BMP6: variants seen among roughly 807,000 people sequenced by gnomAD.
BMP6 encodes bone morphogenetic protein 6.
BMP6 carries 17 observed loss-of-function variants against 54.1 expected under a neutral mutation model. The ratio of observed to expected loss-of-function variants is 0.31; its 90% CI spans 0.22 to 0.47. BMP6 has a LOEUF of 0.47. BMP6 is among the 20% of genes least tolerant of loss of function. The pLI, the probability that BMP6 is intolerant of heterozygous loss-of-function variation, is 1.00. For synonymous variants in BMP6, 328 were observed against 291.2 expected, an observed-to-expected ratio of 1.13 and a Z score of -1.28; for missense variants, 720 against 690.4, an observed-to-expected ratio of 1.04 and a Z score of -0.48.
At chr6:7,752,168 G>A in intron 1 of BMP6, among the ~76,000 whole-genome samples, 1 of 152,198 alleles carries the variant, frequency 6.6e-6, no homozygotes, top group Non-Finnish European at 1.5e-5. Flanking sequence ...AGCTTTGCAG[G>A]TGTGATCTTT....
rs575174714 is a variant in BMP6 at position 7,737,071 on chromosome 6, A to C, written c.664+9452A>C. ...GGCGTGGGAGCACACCTGTAATCCC[A>C]GCTACTTGGGAGGCTGAAGCAGGAG... On this transcript the variant is annotated intron_variant, in intron 1 of 6. Transcript: ENST00000283147. 2.0e-5 allele frequency among the ~76,000 whole-genome samples: 3 copies of C among 152,226 alleles called. No homozygotes were observed. In the East Asian group the frequency reaches 5.8e-4, roughly 29 times the overall value.
chr6:7,755,693 C>G (rs1309832760), intron 1 of BMP6, among the ~76,000 whole-genome samples: 3 of 151,864 alleles, frequency 2.0e-5, no homozygotes, highest in African/African-American at 7.3e-5. Context: ...GTTCCTTCTG[C>G]TTGAAGAACT....
At chr6:7,880,172 C>CT in intron 6 of BMP6, 22 bp from the exon 7 acceptor site, 1 of 1,614,126 alleles carries the variant, frequency 6.2e-7, no homozygotes, top group Non-Finnish European at 8.5e-7. Context: ...AAGGTACCTT[C>CT]TCCCCTTCTG....
At chr6:7,779,159 C>G (rs1757903351) in intron 1 of BMP6, among the ~76,000 whole-genome samples, 1 of 152,138 alleles carries the variant, frequency 6.6e-6, no homozygotes, top group Non-Finnish European at 1.5e-5. Context: ...GTGGCCCAGG[C>G]TATAGCCCAG....
intron 1 of BMP6, among the ~76,000 whole-genome samples, chr6:7,798,160 A>C (rs1464849488): frequency 1.3e-5 from 2 of 152,222 alleles, no homozygotes; most frequent in African/African-American, 4.8e-5. Flanking sequence ...TGATGACAAA[A>C]GTCAACCTAT....
Position 7,862,392 on chromosome 6 carries a change from T to G in BMP6, c.1098T>G (p.Ser366Arg), listed in dbSNP as rs369227314. 2.6e-5 allele frequency: 42 copies of G among 1,613,806 alleles called. No individual in the cohort carries two copies. The Middle Eastern group carries it at 6.6e-4, about 25-fold the overall frequency. Residue 366 changes from serine to arginine, a missense_variant, in exon 4 of 7, where the codon AGT becomes AGG. Physicochemically the swap from Ser to Arg is moderately radical, Grantham distance 110 (BLOSUM62 -1). Transcript: ENST00000283147. Reference sequence around the variant, plus strand: ...TCATGGTGGCTTTCTTCAAAGTGAGTGAGGTGCACGTGCGCACCACCAGGT... The same window carrying G: ...TCATGGTGGCTTTCTTCAAAGTGAGGGAGGTGCACGTGCGCACCACCAGGT... ...QPFMVAFFKV[S>R]EVHVRTTRSA...
At chr6:7,741,076 C>T (rs1757237754) in intron 1 of BMP6, among the ~76,000 whole-genome samples, 1 of 152,156 alleles carries the variant, frequency 6.6e-6, no homozygotes, top group African/African-American at 2.4e-5. Flanking sequence ...AGCCAGCACA[C>T]TCTGCTCTGT....
intron 1 of BMP6, among the ~76,000 whole-genome samples, chr6:7,843,243 G>A (rs967939357): frequency 2.6e-5 from 4 of 151,014 alleles, no homozygotes; most frequent in Non-Finnish European, 5.9e-5. Flanking sequence ...AGAAGCCAAA[G>A]CTTATTCTTT....
chr6:7,817,683 C>G (rs1384361741), intron 1 of BMP6, among the ~76,000 whole-genome samples: 1 of 151,788 alleles, frequency 6.6e-6, no homozygotes, highest in Admixed American at 6.6e-5. Context: ...TGTAACAAAC[C>G]TGCACATTGT....
In BMP6 at chr6:7,881,526, AAAAG is replaced by A. The variant is rs916043781; in HGVS notation, c.*1185_*1188del. The A allele has an allele frequency of 8.5e-5, 13 of 152,418 alleles. No homozygotes were observed. Among genetic ancestry groups the A allele is most frequent in the African/African-American group, 1.4e-4 (6 of 41,458 alleles). 9.4% of individuals were successfully genotyped at this position (152,418 alleles called of 1,614,324 possible). A position where few individuals can be genotyped will look rare whatever the true frequency, so the allele number is the denominator to read the frequency against. ...GAAGGAAAGACCAGACTTTTAAAAAAAAAGAGTTTATTTAGAAAGTATCATAGTG... is the reference window on the plus strand; with the variant it reads ...GAAGGAAAGACCAGACTTTTAAAAAAAGTTTATTTAGAAAGTATCATAGTG... On this transcript the variant is annotated 3_prime_UTR_variant, in exon 7 of 7. Transcript: ENST00000283147.
intron 1 of BMP6, among the ~76,000 whole-genome samples, chr6:7,737,494 AC>A (rs200814418): frequency 0.013 from 1,934 of 152,174 alleles, 36 homozygotes; most frequent in African/African-American, 0.037. Context: ...GAGCCTTCTA[AC>A]ACCAACTCTT....
intron 1 of BMP6, among the ~76,000 whole-genome samples, chr6:7,767,960 T>C (rs937232999): frequency 3.3e-5 from 5 of 152,094 alleles, no homozygotes; most frequent in African/African-American, 1.2e-4. Context: ...TGGTCTCAGC[T>C]TTTTTCTTTA....
intron 1 of BMP6, among the ~76,000 whole-genome samples, chr6:7,841,690 G>T (rs1231783837): frequency 6.6e-6 from 1 of 152,166 alleles, no homozygotes; most frequent in Non-Finnish European, 1.5e-5. Flanking sequence ...AGACGGTAAT[G>T]GGATGGGCGT....
chr6:7,824,258 A>C (rs1758657975), intron 1 of BMP6, among the ~76,000 whole-genome samples: 1 of 152,186 alleles, frequency 6.6e-6, no homozygotes, highest in Admixed American at 6.5e-5. Flanking sequence ...GGCTGAAGAT[A>C]GATCTAGACT....
intron 1 of BMP6, among the ~76,000 whole-genome samples, chr6:7,764,029 GA>G (rs907803814): frequency 1.3e-5 from 2 of 152,212 alleles, no homozygotes; most frequent in Non-Finnish European, 1.5e-5. Flanking sequence ...CAGAAATGGT[GA>G]AAAAACAGCC....
In BMP6 at chr6:7,747,750, G is replaced by A. The variant is rs558085257; in HGVS notation, c.664+20131G>A. Among the ~76,000 whole-genome samples the A allele has an allele frequency of 2.4e-4, 36 of 152,154 alleles. No individual in the cohort carries two copies. In the South Asian group the frequency reaches 6.4e-3, roughly 27 times the overall value. ...TAGCCTCAACATCCCGGGCTCAAGC[G>A]ATCCTCTCGCCTCAGCCTCCCCAGT... On this transcript the variant is annotated intron_variant, in intron 1 of 6. Coordinates refer to ENST00000283147, the MANE Select transcript of BMP6 (RefSeq NM_001718.6).
At chr6:7,764,209 T>C (rs1757653637) in intron 1 of BMP6, among the ~76,000 whole-genome samples, 1 of 152,112 alleles carries the variant, frequency 6.6e-6, no homozygotes, top group Non-Finnish European at 1.5e-5. Flanking sequence ...TGTGGGAAGA[T>C]TGGGAGGGAA....
chr6:7,790,191 C>T lies in BMP6; in HGVS notation c.665-54949C>T, dbSNP rs187139150. Among the ~76,000 whole-genome samples, 11 of 152,240 alleles carry T rather than the reference C, an allele frequency of 7.2e-5. No individual in the cohort carries two copies. The East Asian group carries it at 1.2e-3, about 16-fold the overall frequency. ...TAATTGCTACAGTCAGCTTTCTGAACGTGGGCCGCTTATTTTGATACTGGC... is the reference window on the plus strand; with the variant it reads ...TAATTGCTACAGTCAGCTTTCTGAATGTGGGCCGCTTATTTTGATACTGGC... On this transcript the variant is annotated intron_variant, in intron 1 of 6. Coordinates refer to ENST00000283147, the MANE Select transcript of BMP6 (RefSeq NM_001718.6).
At chr6:7,762,597 C>A (rs910345435) in intron 1 of BMP6, among the ~76,000 whole-genome samples, 3 of 152,140 alleles carry the variant, frequency 2.0e-5, no homozygotes, top group African/African-American at 7.2e-5. Context: ...CACATAAATT[C>A]TATAGAAATA....
Sources: gnomAD v4.1 joint callset for allele counts (sites outside exome capture counted in the v4.1 genomes callset) on GRCh38, gnomAD v4.1.1 for gene constraint, MANE v1.5 for transcripts, NCBI Gene and HGNC (gene_info 2026-07-23, HGNC 2026-07-21) for gene names.